RBFOX1: variants seen among roughly 807,000 people sequenced by gnomAD.
The protein encoded by RBFOX1 is RNA binding protein fox-1 homolog 1.
Under a neutral mutation model 57.7 loss-of-function variants are expected in RBFOX1, and 8 were observed. The observed-to-expected ratio is 0.14, with a 90% CI of 0.08 to 0.25. The LOEUF (loss-of-function observed/expected upper bound fraction) is 0.25. RBFOX1 is among the 10% of genes least tolerant of loss of function. The pLI, the probability that RBFOX1 is intolerant of heterozygous loss-of-function variation, is 1.00. For missense variants in RBFOX1, 611 were observed against 548.5 expected (o/e 1.11, Z -1.14); for synonymous variants, 326 against 222.4 (o/e 1.47, Z -4.15).
At chr16:7,203,208 A>G (rs1380800487) in intron 4 of RBFOX1, among the ~76,000 whole-genome samples, 1 of 152,252 alleles carries the variant, frequency 6.6e-6, no homozygotes, top group Non-Finnish European at 1.5e-5. Context: ...ATATTATTCA[A>G]CCTTAGAAGG....
At chr16:5,250,068 G>T (rs1322499629) in intron 1 of RBFOX1, among the ~76,000 whole-genome samples, 1 of 151,792 alleles carries the variant, frequency 6.6e-6, no homozygotes, top group African/African-American at 2.4e-5. Flanking sequence ...GGAGGAGGTT[G>T]CAGTGAGCCG....
chr16:7,348,597 G>C (rs535959931), intron 4 of RBFOX1, among the ~76,000 whole-genome samples: 38 of 152,258 alleles, frequency 2.5e-4, no homozygotes, highest in Admixed American at 1.6e-3. Context: ...GTTGGGAAAA[G>C]AAGATAGGGA....
intron 1 of RBFOX1, among the ~76,000 whole-genome samples, chr16:5,277,364 A>T (rs2063166523): frequency 1.3e-5 from 2 of 152,156 alleles, no homozygotes; most frequent in African/African-American, 4.8e-5. Context: ...TGCTCTGGCG[A>T]TGGGTGTGCC....
At chr16:5,994,194 C>G (rs1443965029) in intron 4 of RBFOX1, among the ~76,000 whole-genome samples, 5 of 152,204 alleles carry the variant, frequency 3.3e-5, no homozygotes, top group Admixed American at 2.0e-4. Flanking sequence ...CAGAGTCTTG[C>G]TCTGTCACCC....
At chr16:5,942,517 T>A (rs114430373) in intron 4 of RBFOX1, among the ~76,000 whole-genome samples, 1 of 152,336 alleles carries the variant, frequency 6.6e-6, no homozygotes, top group African/African-American at 2.4e-5. Flanking sequence ...AAGTTATTAA[T>A]CTTGTGATCT....
rs555279523 is a variant in RBFOX1, at chr16:6,848,109, A to T, written c.-16+193459A>T. Reference sequence around the variant, plus strand: ...GGCCTCACAAAGTGCTGGGATTTGCAGGTGTGAGTCATTGTGCCCGATCCA... The same window carrying T: ...GGCCTCACAAAGTGCTGGGATTTGCTGGTGTGAGTCATTGTGCCCGATCCA... On this transcript the variant is annotated intron_variant, in intron 3 of 15. Transcript: ENST00000550418. Among the ~76,000 whole-genome samples, 8 of 152,140 alleles carry T rather than the reference A, an allele frequency of 5.3e-5. No homozygotes were observed. The South Asian group carries it at 1.2e-3, about 24-fold the overall frequency.
chr16:5,577,080 AC>A (rs2046481275), intron 2 of RBFOX1, among the ~76,000 whole-genome samples: 3 of 152,204 alleles, frequency 2.0e-5, no homozygotes. Flanking sequence ...AATGCAGGAT[AC>A]TGTCAGGACA....
chr16:5,506,492 C>T (rs1421418093), intron 2 of RBFOX1, among the ~76,000 whole-genome samples: 1 of 152,154 alleles, frequency 6.6e-6, no homozygotes, highest in Admixed American at 6.5e-5. Context: ...GTCCCCAGTG[C>T]AAAATGAATA....
intron 3 of RBFOX1, among the ~76,000 whole-genome samples, chr16:5,763,788 T>C (rs1327190417): frequency 2.0e-5 from 3 of 152,216 alleles, no homozygotes; most frequent in African/African-American, 4.8e-5. Context: ...ACTTCCTTTC[T>C]CATTGAAGCC....
chr16:7,283,809 G>A (rs574773748), intron 4 of RBFOX1, among the ~76,000 whole-genome samples: 3 of 152,188 alleles, frequency 2.0e-5, no homozygotes, highest in South Asian at 2.1e-4. Context: ...ATTTACACAC[G>A]GTAAAATGTA....
chr16:6,291,967 G>A (rs570059257), intron 1 of RBFOX1, among the ~76,000 whole-genome samples: 1 of 152,230 alleles, frequency 6.6e-6, no homozygotes, highest in East Asian at 1.9e-4. Flanking sequence ...GTGTGTGTGT[G>A]TGTGTACATA....
chr16:5,739,154 A>G (rs1430843753), intron 3 of RBFOX1, among the ~76,000 whole-genome samples: 1 of 152,240 alleles, frequency 6.6e-6, no homozygotes, highest in African/African-American at 2.4e-5. Context: ...GAGTGTAGGA[A>G]CTGTGCCCCT....
At position 5,889,528 on chromosome 16, in the gene RBFOX1, CAT is replaced by C. The variant is rs111326474; in HGVS notation, c.351+22194_351+22195del. 7.4e-4 allele frequency among the ~76,000 whole-genome samples: 112 copies of C among 152,314 alleles called. 1 individual carries two copies. Among genetic ancestry groups the C allele is most frequent in the Middle Eastern group, 3.4e-3 (1 of 294 alleles). On this transcript the variant is annotated intron_variant, in intron 4 of 19. Transcript: ENST00000641259. ...GTGAAATAGTGCTGCAATGAACATA[CAT>C]GTGTGTGTACCTTTATAATAGAATG...
intron 1 of RBFOX1, among the ~76,000 whole-genome samples, chr16:6,193,284 C>G (rs1490362538): frequency 6.7e-6 from 1 of 149,388 alleles, no homozygotes; most frequent in African/African-American, 2.5e-5. Context: ...GCTGGCCAAT[C>G]AGATTATCTC....
At chr16:6,897,677 C>A (rs1009565096) in intron 3 of RBFOX1, among the ~76,000 whole-genome samples, 2 of 152,098 alleles carry the variant, frequency 1.3e-5, no homozygotes, top group Admixed American at 1.3e-4. Flanking sequence ...TCTGTAATCA[C>A]AGCCAGTTGG....
intron 1 of RBFOX1, among the ~76,000 whole-genome samples, chr16:5,250,732 T>G (rs1293100143): frequency 6.6e-6 from 1 of 152,242 alleles, no homozygotes; most frequent in African/African-American, 2.4e-5. Flanking sequence ...CAGCAGGTAT[T>G]CTGACGTGTG....
At chr16:5,684,241 C>T (rs1475855832) in intron 3 of RBFOX1, among the ~76,000 whole-genome samples, 1 of 152,106 alleles carries the variant, frequency 6.6e-6, no homozygotes, top group South Asian at 2.1e-4. Context: ...TTGGTATGCT[C>T]TCTTTGCAGA....
intron 3 of RBFOX1, among the ~76,000 whole-genome samples, chr16:6,758,881 A>C (rs1172700490): frequency 6.6e-6 from 1 of 152,104 alleles, no homozygotes; most frequent in Non-Finnish European, 1.5e-5. Context: ...TCCTAATAAA[A>C]GTAATGGACT....
chr16:6,572,124 C>T (rs945832632), intron 2 of RBFOX1, among the ~76,000 whole-genome samples: 1 of 152,156 alleles, frequency 6.6e-6, no homozygotes, highest in South Asian at 2.1e-4. Context: ...TGTATTAGAA[C>T]ATAATCTCAT....
Sources: gnomAD v4.1 joint callset for allele counts (sites outside exome capture counted in the v4.1 genomes callset) on GRCh38, gnomAD v4.1.1 for gene constraint, MANE v1.5 for transcripts, NCBI Gene and HGNC (gene_info 2026-07-23, HGNC 2026-07-21) for gene names.